The following SNTG2 variants were observed in gnomAD, a reference collection of about 807,000 sequenced individuals.
The protein encoded by SNTG2 is gamma-2-syntrophin.
SNTG2 carries 74 observed loss-of-function variants against 70.9 expected under a neutral mutation model. The observed-to-expected ratio is 1.04, with a 90% CI of 0.86 to 1.27. The LOEUF (loss-of-function observed/expected upper bound fraction) is 1.27. Ranked by LOEUF, SNTG2 falls within the 50% of genes most tolerant of loss-of-function variation. The pLI is 0.00. For missense variants in SNTG2, 717 were observed against 690.7 expected (o/e 1.04, Z -0.43); for synonymous variants, 278 against 273.8 (o/e 1.02, Z -0.15).
At chr2:1,280,526 T>C (rs1679468259) in intron 14 of SNTG2, among the ~76,000 whole-genome samples, 1 of 152,202 alleles carries the variant, frequency 6.6e-6, no homozygotes, top group Non-Finnish European at 1.5e-5. Context: ...GGGGACCCAC[T>C]TGATTCCTTT....
intron 12 of SNTG2, among the ~76,000 whole-genome samples, chr2:1,258,423 A>AT (rs1678239755): frequency 6.6e-6 from 1 of 152,228 alleles, no homozygotes. Context: ...CAAAATCACA[A>AT]TTGCAATGAG....
intron 1 of SNTG2, among the ~76,000 whole-genome samples, chr2:1,081,313 G>A (rs1337827798): frequency 6.6e-6 from 1 of 152,208 alleles, no homozygotes. Context: ...CCTCACAGGT[G>A]TGGTGAGAAC....
At chr2:1,363,809 T>C (rs1182406668) in intron 16 of SNTG2, among the ~76,000 whole-genome samples, 1 of 152,232 alleles carries the variant, frequency 6.6e-6, no homozygotes, top group Non-Finnish European at 1.5e-5. Flanking sequence ...TTCAGTGAAA[T>C]GCCCACAGGA....
At chr2:991,253 A>G (rs1661480836) in intron 1 of SNTG2, among the ~76,000 whole-genome samples, 2 of 152,122 alleles carry the variant, frequency 1.3e-5, no homozygotes, top group Admixed American at 6.5e-5. Flanking sequence ...AATGGATTTC[A>G]AGGATGAATG....
chr2:1,071,176 A>G lies in SNTG2; in HGVS notation c.73-12342A>G, dbSNP rs537201583. ...GTATATACCCAAATGACTATAAATC[A>G]TGCTGCTATAAAGACACATGCACAC... On this transcript the variant is annotated intron_variant, in intron 1 of 16. Coordinates refer to ENST00000308624, the MANE Select transcript of SNTG2 (RefSeq NM_018968.4). Among the ~76,000 whole-genome samples, 64 of 152,244 alleles carry G rather than the reference A, an allele frequency of 4.2e-4. No homozygotes were observed. The South Asian group carries it at 5.2e-3, about 12-fold the overall frequency.
intron 1 of SNTG2, among the ~76,000 whole-genome samples, chr2:1,051,871 C>T (rs1022059882): frequency 3.9e-4 from 60 of 152,336 alleles, no homozygotes; most frequent in African/African-American, 1.4e-3. Context: ...AGAATCCTGA[C>T]ATTCAGAGGC....
At chr2:1,207,823 G>A (rs1284864263) in intron 8 of SNTG2, among the ~76,000 whole-genome samples, 1 of 152,186 alleles carries the variant, frequency 6.6e-6, no homozygotes, top group Non-Finnish European at 1.5e-5. Flanking sequence ...TTTTGGGCAG[G>A]TAAAGCTGAC....
At position 1,103,614 on chromosome 2, in the gene SNTG2, C is replaced by T. The variant is rs1164812063; in HGVS notation, c.325+5204C>T. ...CATGTTGGCCGGGATCATCTCGATC[C>T]CTTGACCTCATGATCCTCCCCCTTT... On this transcript the variant is annotated intron_variant, in intron 4 of 16. Coordinates refer to ENST00000308624, the MANE Select transcript of SNTG2 (RefSeq NM_018968.4). Among the ~76,000 whole-genome samples the T allele has an allele frequency of 2.0e-5, 3 of 152,188 alleles. No homozygotes were observed. The East Asian group carries it at 5.8e-4, about 29-fold the overall frequency.
At chr2:1,158,721 G>C (rs541326279) in intron 6 of SNTG2, among the ~76,000 whole-genome samples, 1 of 152,270 alleles carries the variant, frequency 6.6e-6, no homozygotes, top group East Asian at 1.9e-4. Flanking sequence ...ATGGATCTTG[G>C]AATTTAGCCT....
intron 14 of SNTG2, among the ~76,000 whole-genome samples, chr2:1,271,216 C>A (rs567586173): frequency 6.6e-6 from 1 of 152,202 alleles, no homozygotes; most frequent in African/African-American, 2.4e-5. Flanking sequence ...TCCAGCCTCT[C>A]CATCCCTGCC....
chr2:1,191,881 T>C (rs1215787828), intron 8 of SNTG2, among the ~76,000 whole-genome samples: 2 of 151,880 alleles, frequency 1.3e-5, no homozygotes, highest in East Asian at 3.9e-4. Flanking sequence ...ATATTATATA[T>C]GTACATAAGT....
intron 1 of SNTG2, among the ~76,000 whole-genome samples, chr2:992,911 AG>A (rs1661548969): frequency 6.6e-6 from 1 of 152,116 alleles, no homozygotes; most frequent in South Asian, 2.1e-4. Flanking sequence ...AGAACTCTTT[AG>A]CACCCTTAAT....
intron 8 of SNTG2, among the ~76,000 whole-genome samples, chr2:1,200,012 T>C (rs1274262877): frequency 6.6e-6 from 1 of 151,886 alleles, no homozygotes; most frequent in African/African-American, 2.4e-5. Flanking sequence ...ATAGAAGATA[T>C]AATTTTATTA....
At chr2:1,151,546 C>T (rs897589864) in intron 6 of SNTG2, among the ~76,000 whole-genome samples, 14 of 152,178 alleles carry the variant, frequency 9.2e-5, no homozygotes, top group African/African-American at 2.4e-4. Flanking sequence ...GATTGAAGCG[C>T]GATGCCCACG....
intron 1 of SNTG2, among the ~76,000 whole-genome samples, chr2:951,848 G>A (rs1659976866): frequency 6.6e-6 from 1 of 152,098 alleles, no homozygotes; most frequent in African/African-American, 2.4e-5. Flanking sequence ...TAATGAAAAT[G>A]CATTGACAAC....
intron 1 of SNTG2, among the ~76,000 whole-genome samples, chr2:1,055,187 G>A (rs1185572991): frequency 6.6e-6 from 1 of 152,248 alleles, no homozygotes; most frequent in Non-Finnish European, 1.5e-5. Context: ...GTGGCTTCAT[G>A]TCATGGGCAG....
intron 1 of SNTG2, among the ~76,000 whole-genome samples, chr2:961,124 A>G (rs571715396): frequency 2.0e-4 from 31 of 152,344 alleles, no homozygotes; most frequent in Admixed American, 3.3e-4. Context: ...AGAAATTGTC[A>G]TGGTAAATAA....
chr2:962,765 A>G (rs180992351), intron 1 of SNTG2, among the ~76,000 whole-genome samples: 37 of 152,216 alleles, frequency 2.4e-4, no homozygotes, highest in Admixed American at 1.9e-3. Context: ...ATACCTGTGT[A>G]AAGGAGATAT....
intron 1 of SNTG2, among the ~76,000 whole-genome samples, 164 bp from the exon 2 acceptor site, chr2:1,083,354 G>T (rs1664465657): frequency 6.6e-6 from 1 of 151,246 alleles, no homozygotes; most frequent in African/African-American, 2.4e-5. Context: ...ATTATTTTTT[G>T]CATAAATGAA....
Sources: gnomAD v4.1 joint callset for allele counts (sites outside exome capture counted in the v4.1 genomes callset) on GRCh38, gnomAD v4.1.1 for gene constraint, MANE v1.5 for transcripts, NCBI Gene and HGNC (gene_info 2026-07-23, HGNC 2026-07-21) for gene names.